Variants in GOLGA1 observed in about 807,000 individuals in gnomAD.
GOLGA1 encodes golgin A1.
GOLGA1 carries 63 observed loss-of-function variants against 119.7 expected under a neutral mutation model. The observed-to-expected ratio is 0.53, with a 90% confidence interval of 0.43 to 0.65. The LOEUF is 0.65. Ranked by LOEUF, GOLGA1 falls within the 30% of genes least tolerant of loss-of-function variation. GOLGA1 has a pLI of 0.00. For missense variants in GOLGA1, 798 were observed against 912.8 expected, an observed-to-expected ratio of 0.87 and a Z score of 1.62; for synonymous variants, 318 against 333.4, an observed-to-expected ratio of 0.95 and a Z score of 0.50.
intron 12 of GOLGA1, among the ~76,000 whole-genome samples, chr9:124,905,448 A>T (rs1406564753): frequency 3.3e-5 from 5 of 152,062 alleles, no homozygotes; most frequent in Non-Finnish European, 1.5e-5. Flanking sequence ...GATGAGAGTG[A>T]GACTCTGCCT....
chr9:124,893,630 C>G (rs969768824), intron 15 of GOLGA1, among the ~76,000 whole-genome samples: 1 of 152,172 alleles, frequency 6.6e-6, no homozygotes, highest in Non-Finnish European at 1.5e-5. Flanking sequence ...TTCAAGCTTA[C>G]TCCTAGCGTG....
chr9:124,893,183 T>TA (rs1829896736), intron 15 of GOLGA1, among the ~76,000 whole-genome samples: 1 of 152,048 alleles, frequency 6.6e-6, no homozygotes, highest in African/African-American at 2.4e-5. Flanking sequence ...ATCACCCTAA[T>TA]AAAAATAGTA....
intron 10 of GOLGA1, among the ~76,000 whole-genome samples, chr9:124,915,368 C>T (rs774404077): frequency 1.3e-5 from 2 of 152,184 alleles, no homozygotes; most frequent in African/African-American, 2.4e-5. Context: ...AGGGTAAATG[C>T]TCAGCTATTC....
chr9:124,882,105 G>A (rs1041235194), intron 20 of GOLGA1, 151 bp from the exon 21 acceptor site: 3 of 619,384 alleles, frequency 4.8e-6, no homozygotes, highest in African/African-American at 3.7e-5. Context: ...TAGGCTTGAG[G>A]AGGGAGTGAC....
intron 10 of GOLGA1, among the ~76,000 whole-genome samples, chr9:124,912,579 G>T (rs913760628): frequency 6.6e-6 from 1 of 152,148 alleles, no homozygotes; most frequent in African/African-American, 2.4e-5. Context: ...GTGTCGCTCT[G>T]TTGCCTTGGC....
chr9:124,893,536 G>GCTT (rs1347176474), intron 15 of GOLGA1, among the ~76,000 whole-genome samples: 1 of 152,070 alleles, frequency 6.6e-6, no homozygotes, highest in Non-Finnish European at 1.5e-5. Context: ...TAGCTAATGG[G>GCTT]CTTTTCCTGG....
intron 14 of GOLGA1, among the ~76,000 whole-genome samples, chr9:124,898,924 G>A (rs780364971): frequency 2.6e-5 from 4 of 152,158 alleles, no homozygotes; most frequent in South Asian, 4.1e-4. Context: ...GGCTGGGTGC[G>A]GTGGCTCATG....
intron 6 of GOLGA1, among the ~76,000 whole-genome samples, chr9:124,927,955 G>T (rs1830704839): frequency 6.6e-6 from 1 of 152,130 alleles, no homozygotes; most frequent in South Asian, 2.1e-4. Context: ...TCAATTTTAT[G>T]AAACTACACA....
Position 124,881,820 on chromosome 9 carries a change from A to G in GOLGA1, c.2100T>C (p.His700=). The change falls in exon 21 of 23, where the codon CAT becomes CAC. Residue 700 remains histidine, a synonymous_variant. Coordinates refer to ENST00000373555, the MANE Select transcript of GOLGA1 (RefSeq NM_002077.4). The surrounding 1 kb of genome is among the most constrained non-coding windows in gnomAD (Gnocchi z 4.9). ...GACAAGACATGAATTTTAAAACCAC[A>G]TGTTTAAGGTACTCAAAGTTGATCT... ...AREINFEYLK[H]VVLKFMSCRE... 10 of 1,611,274 alleles carry G rather than the reference A, an allele frequency of 6.2e-6. No homozygotes were observed. Among genetic ancestry groups the G allele is most frequent in the Non-Finnish European group, 8.5e-6 (10 of 1,179,050 alleles).
At chr9:124,935,249 T>G (rs1830841840) in intron 3 of GOLGA1, among the ~76,000 whole-genome samples, 1 of 152,224 alleles carries the variant, frequency 6.6e-6, no homozygotes, top group Admixed American at 6.5e-5. Flanking sequence ...ATTTTGGGGA[T>G]GGGACCCAAG....
rs956622336 is a variant in GOLGA1 at position 124,901,417 on chromosome 9, C to G, written c.1066-870G>C. 2.0e-5 allele frequency among the ~76,000 whole-genome samples: 3 copies of G among 150,294 alleles called. No homozygotes were observed. In the South Asian group the frequency reaches 6.4e-4, roughly 32 times the overall value. The stretch of plus-strand genomic sequence containing the variant: ...TCCTGGGTAGCTAGGACTACAAGCG[C>G]ACGCCACCACGCCCAGCTATTTTTT... On this transcript the variant is annotated intron_variant, in intron 12 of 22. Coordinates refer to ENST00000373555, the MANE Select transcript of GOLGA1 (RefSeq NM_002077.4).
Position 124,888,198 on chromosome 9 carries a change from C to T in GOLGA1, c.1905+55G>A. ...CAAGGATGGACTGGGTCATTTTAGG[C>T]CTGAGGGTGAGGACCTGGTGGAGAC... On this transcript the variant is annotated intron_variant, in intron 19 of 22. Transcript: ENST00000373555. The surrounding 1 kb of genome is among the most constrained non-coding windows in gnomAD (Gnocchi z 4.4). The T allele has an allele frequency of 6.4e-7, 1 of 1,558,876 alleles. No homozygotes were observed. Among genetic ancestry groups the T allele is most frequent in the Non-Finnish European group, 8.8e-7 (1 of 1,131,192 alleles).
chr9:124,947,353 C>A (rs188353799), intron 1 of GOLGA1: 8 of 152,302 alleles, frequency 5.3e-5, no homozygotes, highest in African/African-American at 1.9e-4. Context: ...AATTTATCAT[C>A]AGTTTAAATA....
intron 3 of GOLGA1, 107 bp downstream of exon 3, chr9:124,938,470 T>G: frequency 1.1e-6 from 1 of 929,896 alleles, no homozygotes; most frequent in Non-Finnish European, 1.7e-6. Context: ...TACAGGCTCT[T>G]GTACAGCTAT....
intron 10 of GOLGA1, among the ~76,000 whole-genome samples, chr9:124,918,750 T>C (rs1177561705): frequency 6.6e-6 from 1 of 152,100 alleles, no homozygotes. Context: ...AGTGAGACCC[T>C]GTCTCAGAAA....
intron 3 of GOLGA1, among the ~76,000 whole-genome samples, chr9:124,933,003 C>T (rs1020410654): frequency 6.6e-6 from 1 of 152,098 alleles, no homozygotes. Flanking sequence ...TGGAGACATA[C>T]ATTCAGACCA....
chr9:124,897,825 G>A (rs117107055), intron 15 of GOLGA1, among the ~76,000 whole-genome samples: 422 of 152,316 alleles, frequency 2.8e-3, no homozygotes, highest in Middle Eastern at 0.01. Flanking sequence ...ACTAGGTGCA[G>A]GCATTCATCT....
At chr9:124,882,664 C>T in intron 19 of GOLGA1, 95 bp from the exon 20 acceptor site, 1 of 944,808 alleles carries the variant, frequency 1.1e-6, no homozygotes, top group South Asian at 1.4e-5. Flanking sequence ...CCCTGTACAC[C>T]TGTGAGGAGC....
chr9:124,882,017 G>T, intron 20 of GOLGA1, 63 bp from the exon 21 acceptor site: 2 of 1,248,438 alleles, frequency 1.6e-6, no homozygotes, highest in South Asian at 1.5e-5. Flanking sequence ...AAAATCACAC[G>T]GGAGGTTCAC....
Sources: allele counts gnomAD v4.1 joint callset (sites outside exome capture counted in the v4.1 genomes callset), GRCh38; gene constraint gnomAD v4.1.1; non-coding constraint Gnocchi (gnomAD v3.1); transcripts MANE v1.5; gene names NCBI Gene and HGNC (gene_info 2026-07-23, HGNC 2026-07-21).